FOXI1: variants seen among roughly 807,000 people sequenced by gnomAD.
FOXI1 encodes forkhead box protein I1.
Under a neutral mutation model 16.4 loss-of-function variants are expected in FOXI1, and 11 were observed. The ratio of observed to expected loss-of-function variants is 0.67; its 90% CI spans 0.42 to 1.11. The LOEUF is 1.11. Ranked by LOEUF, FOXI1 falls within the 50% of genes least tolerant of loss-of-function variation. The probability of loss-of-function intolerance (pLI) is 0.00; values close to 1 mark genes in which losing one functional copy is unlikely to be tolerated. For missense variants in FOXI1, 480 were observed against 506.1 expected (o/e 0.95, Z 0.49); for synonymous variants, 218 against 211.5 (o/e 1.03, Z -0.27).
In FOXI1 at chr5:170,108,148, G is replaced by C. The variant is rs755334480; in HGVS notation, c.674G>C (p.Ser225Thr). 6.2e-7 allele frequency: 1 copy of C among 1,614,066 alleles called. No homozygotes were observed. The highest frequency in any genetic ancestry group is 2.2e-5 in the East Asian group (1 of 44,884). ...AAGAGAAAATCAGATGTTTCCTCTA[G>C]CACAGCCTCCTTGGCCTTAGAGAAG... The part of the protein sequence containing the change: ...KRKRKSDVSS[S>T]TASLALEKTE... Residue 225 changes from serine to threonine, a missense_variant, in exon 2 of 2, where the codon AGC (serine) becomes ACC (threonine). Coordinates refer to ENST00000306268, the MANE Select transcript of FOXI1 (RefSeq NM_012188.5).
Position 170,106,031 on chromosome 5 carries a change from C to T in FOXI1, c.74C>T (p.Pro25Leu), listed in dbSNP as rs1758467063. ...CAGTTCCCCAGCATCGGCCAGGAGC[C>T]CCCCGAGATGAACCTCTACTATGAG... ...SPQFPSIGQEPPEMNLYYENF... is the reference protein window; with the variant it reads ...SPQFPSIGQELPEMNLYYENF... Residue 25 changes from proline to leucine, a missense_variant, in exon 1 of 2, where the codon CCC becomes CTC. Around this residue, in one of 3 missense-constraint regions of FOXI1, gnomAD observed 219 missense variants for 222.9 expected, o/e 0.98. Coordinates refer to ENST00000306268, the MANE Select transcript of FOXI1 (RefSeq NM_012188.5). 6.2e-7 allele frequency: 1 copy of T among 1,612,348 alleles called. No homozygotes were observed. Among genetic ancestry groups the T allele is most frequent in the African/African-American group, 1.3e-5 (1 of 74,998 alleles).
chr5:170,108,733 G>A lies in FOXI1; in HGVS notation c.*122G>A. ...CCCAGACATAAGCAGGAGCCTCCGA[G>A]GAATCCACCCTCTTTCTAGAACACT... On this transcript the variant is annotated 3_prime_UTR_variant, in exon 2 of 2. Coordinates refer to ENST00000306268, the MANE Select transcript of FOXI1 (RefSeq NM_012188.5). 1 of 767,758 alleles carries A rather than the reference G, an allele frequency of 1.3e-6. No individual in the cohort carries two copies. The allele number at this position is 767,758 out of a possible 1,614,324, so 47.6% of individuals were successfully genotyped here.
rs893767770 is a variant in FOXI1, at chr5:170,108,907, G to C, written c.*296G>C. ...CACACTTACTATTGACAGTCACCCC[G>C]TAAGGTTCACAAACCACCCCATTGA... On this transcript the variant is annotated 3_prime_UTR_variant, in exon 2 of 2. Transcript: ENST00000306268. 2.4e-6 allele frequency: 1 copy of C among 408,862 alleles called. No homozygotes were observed. The highest frequency in any genetic ancestry group is 2.0e-5 in the African/African-American group (1 of 49,754). The allele number at this position is 408,862 out of a possible 1,614,324, so 25.3% of individuals were successfully genotyped here.
Position 170,108,434 on chromosome 5 carries a change from C to A in FOXI1, c.960C>A (p.Asn320Lys), listed in dbSNP as rs975098075. ...DKTGQNSLTF[N>K]SFSPLTNLSN... is the part of the protein sequence containing the mutation. ...CGGGGCAGAACTCACTGACCTTCAA[C>A]TCCTTCTCCCCGCTCACCAACCTCA... Residue 320 changes from asparagine to lysine, a missense_variant, in exon 2 of 2, where the codon AAC becomes AAA. Physicochemically the swap from Asn to Lys is moderately conservative, Grantham distance 94. Coordinates refer to ENST00000306268, the MANE Select transcript of FOXI1 (RefSeq NM_012188.5). 1.2e-6 allele frequency: 2 copies of A among 1,606,016 alleles called. No individual in the cohort carries two copies. Among genetic ancestry groups the A allele is most frequent in the Non-Finnish European group, 1.7e-6 (2 of 1,174,096 alleles).
intron 1 of FOXI1, among the ~76,000 whole-genome samples, chr5:170,107,495 G>T (rs1001124969): frequency 6.6e-6 from 1 of 152,180 alleles, no homozygotes; most frequent in Non-Finnish European, 1.5e-5. Context: ...CCTCGGGAAG[G>T]TACCTCCCAG....
intron 1 of FOXI1, 25 bp from the exon 2 acceptor site, chr5:170,108,020 CTATT>C: frequency 1.9e-6 from 3 of 1,560,898 alleles, no homozygotes; most frequent in African/African-American, 1.4e-5. Flanking sequence ...GTCCACCTCT[CTATT>C]TACCCCCTTT....
At chr5:170,106,555 G>A (rs761988071) in intron 1 of FOXI1, 24 bp downstream of exon 1, 6 of 1,613,700 alleles carry the variant, frequency 3.7e-6, no homozygotes, top group Non-Finnish European at 4.2e-6. Flanking sequence ...GAGTGTGGGG[G>A]GTGTCCCCAA....
chr5:170,107,004 G>A, intron 1 of FOXI1: 4 of 985,428 alleles, frequency 4.1e-6, no homozygotes, highest in Non-Finnish European at 4.8e-6. Flanking sequence ...AAGAGGATCT[G>A]ACCTGGGTTA....
At position 170,105,995 on chromosome 5, in the gene FOXI1, G is replaced by A. The variant is rs775617358; in HGVS notation, c.38G>A (p.Arg13His). 6 of 1,611,512 alleles carry A rather than the reference G, an allele frequency of 3.7e-6. No individual in the cohort carries two copies. Among genetic ancestry groups the A allele is most frequent in the African/African-American group, 1.3e-5 (1 of 74,838 alleles). ...GACCTGCCGGCGCCCTCCCCACCTCGCTGCAGCCCCCAGTTCCCCAGCATC... is the reference window on the plus strand; with the variant it reads ...GACCTGCCGGCGCCCTCCCCACCTCACTGCAGCCCCCAGTTCCCCAGCATC... The part of the protein sequence containing the change: ...SFDLPAPSPP[R>H]CSPQFPSIGQ... The change falls in exon 1 of 2, where the codon CGC becomes CAC. Residue 13 changes from arginine to histidine, a missense_variant. Physicochemically the swap from Arg to His is conservative, Grantham distance 29. Around this residue, in one of 3 missense-constraint regions of FOXI1, gnomAD observed 219 missense variants for 222.9 expected, o/e 0.98. Coordinates refer to ENST00000306268, the MANE Select transcript of FOXI1 (RefSeq NM_012188.5).
Position 170,106,097 on chromosome 5 carries a change from C to G in FOXI1, c.140C>G (p.Pro47Arg). ...CAGGGCGTGCCCAGCCCTCAGCGGCCCTCCTTCGAGGGGGGCGGCGAGTAT... is the reference window on the plus strand; with the variant it reads ...CAGGGCGTGCCCAGCCCTCAGCGGCGCTCCTTCGAGGGGGGCGGCGAGTAT... ...HPQGVPSPQR[P>R]SFEGGGEYGA... is the part of the protein sequence containing the mutation. Residue 47 changes from proline to arginine, a missense_variant, in exon 1 of 2, where the codon CCC (proline) becomes CGC (arginine). Physicochemically the swap from Pro to Arg is moderately radical, Grantham distance 103. Around this residue, in one of 3 missense-constraint regions of FOXI1, gnomAD observed 219 missense variants for 222.9 expected, o/e 0.98. Transcript: ENST00000306268. 1 of 1,613,372 alleles carries G rather than the reference C, an allele frequency of 6.2e-7. No individual in the cohort carries two copies.
At chr5:170,106,993 G>A in intron 1 of FOXI1, 1 of 985,430 alleles carries the variant, frequency 1.0e-6, no homozygotes, top group Non-Finnish European at 1.2e-6. Flanking sequence ...AGACTGCCAG[G>A]AAGAGGATCT....
rs907957816 is a variant in FOXI1, at chr5:170,108,766, G to T, written c.*155G>T. ...CCCTCTTTCTAGAACACTGGTTAAGGCTTCTGTTTATCACACATAGGCCCA... is the reference window on the plus strand; with the variant it reads ...CCCTCTTTCTAGAACACTGGTTAAGTCTTCTGTTTATCACACATAGGCCCA... On this transcript the variant is annotated 3_prime_UTR_variant, in exon 2 of 2. Coordinates refer to ENST00000306268, the MANE Select transcript of FOXI1 (RefSeq NM_012188.5). 4 of 665,790 alleles carry T rather than the reference G, an allele frequency of 6.0e-6. No individual in the cohort carries two copies. Among genetic ancestry groups the T allele is most frequent in the East Asian group, 2.7e-5 (1 of 37,264 alleles). 41.2% of individuals were successfully genotyped at this position (665,790 alleles called of 1,614,324 possible). A position where few individuals can be genotyped will look rare whatever the true frequency, so the allele number is the denominator to read the frequency against.
At position 170,108,515 on chromosome 5, in the gene FOXI1, C is replaced by G. The variant is rs780173475; in HGVS notation, c.1041C>G (p.Ser347Arg). The change falls in exon 2 of 2, where the codon AGC (serine) becomes AGG (arginine). Residue 347 changes from serine to arginine, a missense_variant. Ser to Arg is a moderately radical substitution (Grantham distance 110). Transcript: ENST00000306268. ...WANPMPTNML[S>R]YGGSVLSQFS... ...ACCCCATGCCCACCAACATGCTCAG[C>G]TATGGAGGATCTGTGCTCAGCCAAT... 8 of 1,608,780 alleles carry G rather than the reference C, an allele frequency of 5.0e-6. No homozygotes were observed. The highest frequency in any genetic ancestry group is 1.7e-4 in the Middle Eastern group (1 of 6,026).
At position 170,106,137 on chromosome 5, in the gene FOXI1, C is replaced by T; in HGVS notation, c.180C>T (p.Asn60=). The T allele has an allele frequency of 3.7e-6, 6 of 1,610,490 alleles. No individual in the cohort carries two copies. The highest frequency in any genetic ancestry group is 1.3e-5 in the African/African-American group (1 of 74,958). ...EGGGEYGATP[N]PYLWFNGPTM... ...GCGGCGAGTATGGGGCCACCCCCAACCCCTACCTCTGGTTCAACGGGCCCA... is the reference window on the plus strand; with the variant it reads ...GCGGCGAGTATGGGGCCACCCCCAATCCCTACCTCTGGTTCAACGGGCCCA... The change falls in exon 1 of 2, where the codon AAC becomes AAT. Residue 60 remains asparagine (N), a synonymous_variant. Transcript: ENST00000306268.
rs1376888488 is a variant in FOXI1, at chr5:170,109,469, T to G, written c.*858T>G. On this transcript the variant is annotated 3_prime_UTR_variant, in exon 2 of 2. Transcript: ENST00000306268. ...AAATCTTGTAAAGCCCAGTTTCCTG[T>G]GTGCATGTCATGGACCAGTGAGCTG... The G allele has an allele frequency of 6.6e-6, 1 of 152,186 alleles. No homozygotes were observed. Among genetic ancestry groups the G allele is most frequent in the African/African-American group, 2.4e-5 (1 of 41,432 alleles). The allele number at this position is 152,186 out of a possible 1,614,324, so 9.4% of individuals were successfully genotyped here.
rs905809295 is a variant in FOXI1 at position 170,106,903 on chromosome 5, A to G, written c.574+372A>G. ...TAATCGCCTGCAGTAATTACGATTCATCTGCATCTCCAGCACCCAGCACAT... is the reference window on the plus strand; with the variant it reads ...TAATCGCCTGCAGTAATTACGATTCGTCTGCATCTCCAGCACCCAGCACAT... On this transcript the variant is annotated intron_variant, in intron 1 of 1. Coordinates refer to ENST00000306268, the MANE Select transcript of FOXI1 (RefSeq NM_012188.5). 4.0e-5 allele frequency: 31 copies of G among 772,958 alleles called. 1 individual carries two copies. The highest frequency in any genetic ancestry group is 1.3e-4 in the East Asian group (1 of 7,884). 47.9% of individuals were successfully genotyped at this position (772,958 alleles called of 1,614,324 possible).
rs1758579421 is a variant in FOXI1 at position 170,108,715 on chromosome 5, A to G, written c.*104A>G. On this transcript the variant is annotated 3_prime_UTR_variant, in exon 2 of 2. Transcript: ENST00000306268. ...TCCATGACTGCGGAACTGCCCAGAC[A>G]TAAGCAGGAGCCTCCGAGGAATCCA... 2 of 897,902 alleles carry G rather than the reference A, an allele frequency of 2.2e-6. No homozygotes were observed. Among genetic ancestry groups the G allele is most frequent in the African/African-American group, 1.6e-5 (1 of 61,216 alleles). The allele number at this position is 897,902 out of a possible 1,614,324, so 55.6% of individuals were successfully genotyped here.
At chr5:170,106,891 T>TAA in intron 1 of FOXI1, 1 of 644,056 alleles carries the variant, frequency 1.6e-6, no homozygotes, top group Non-Finnish European at 1.9e-6. Flanking sequence ...TCGCCTGCAG[T>TAA]AATTACGATT....
chr5:170,107,455 G>C lies in FOXI1; in HGVS notation c.575-594G>C, dbSNP rs1758524142. On this transcript the variant is annotated intron_variant, in intron 1 of 1. Coordinates refer to ENST00000306268, the MANE Select transcript of FOXI1 (RefSeq NM_012188.5). The stretch of plus-strand genomic sequence containing the variant: ...AGGACTGCCATCACCCTCAGGCTGA[G>C]AGACGGTAGCAGGAAGAGTTCAGGC... 2.0e-5 allele frequency among the ~76,000 whole-genome samples: 3 copies of C among 152,312 alleles called. No homozygotes were observed. In the South Asian group the frequency reaches 6.2e-4, roughly 32 times the overall value.
Sources: gnomAD v4.1 joint callset for allele counts (sites outside exome capture counted in the v4.1 genomes callset) on GRCh38, gnomAD v4.1.1 for gene constraint, gnomAD v4.1.1 regional missense constraint, MANE v1.5 for transcripts, NCBI Gene and HGNC (gene_info 2026-07-23, HGNC 2026-07-21) for gene names.